The following ADGRL3 variants were observed in gnomAD, a reference collection of about 807,000 sequenced individuals.
ADGRL3 encodes the protein adhesion G protein-coupled receptor L3, also known as calcium-independent alpha-latrotoxin receptor 3.
ADGRL3 carries 62 observed loss-of-function variants against 153.5 expected under a neutral mutation model. That is an observed-to-expected ratio of 0.40 (90% CI 0.33 to 0.50). ADGRL3 has a LOEUF of 0.50. Among genes scored for constraint, ADGRL3 ranks in the 20% least tolerant of loss-of-function variants. The pLI is 0.47. For synonymous variants in ADGRL3, 710 were observed against 672.5 expected (o/e 1.06, Z -0.86); for missense variants, 1,641 against 1,859.4 (o/e 0.88, Z 2.16).
intron 3 of ADGRL3, among the ~76,000 whole-genome samples, chr4:61,501,787 A>G (rs1005093950): frequency 1.6e-4 from 24 of 152,330 alleles, no homozygotes; most frequent in African/African-American, 5.8e-4. Context: ...AGTCTGGTCC[A>G]TGTTTTGTAT....
At chr4:61,739,026 G>T (rs2096551745) in intron 8 of ADGRL3, among the ~76,000 whole-genome samples, 1 of 152,058 alleles carries the variant, frequency 6.6e-6, no homozygotes, top group South Asian at 2.1e-4. Flanking sequence ...GATATTAAAT[G>T]TAAAATTGCC....
intron 1 of ADGRL3, among the ~76,000 whole-genome samples, chr4:61,300,203 A>C (rs1025975791): frequency 6.6e-6 from 1 of 152,204 alleles, no homozygotes; most frequent in African/African-American, 2.4e-5. Context: ...CATGGCCTTC[A>C]TTCAATGTTT....
chr4:61,218,719 C>T (rs1387575006), intron 1 of ADGRL3, among the ~76,000 whole-genome samples: 1 of 152,076 alleles, frequency 6.6e-6, no homozygotes, highest in African/African-American at 2.4e-5. Context: ...GCAGCACCTT[C>T]CTGAAGAAGG....
chr4:62,018,883 A>G (rs1035471456), intron 21 of ADGRL3, among the ~76,000 whole-genome samples: 5 of 152,274 alleles, frequency 3.3e-5, no homozygotes, highest in African/African-American at 4.8e-5. Flanking sequence ...GATATGCTCT[A>G]TGAAAGGGAA....
At chr4:61,297,807 G>A (rs769585763) in intron 1 of ADGRL3, among the ~76,000 whole-genome samples, 43 of 151,312 alleles carry the variant, frequency 2.8e-4, no homozygotes, top group South Asian at 4.2e-4. Flanking sequence ...TGTTACCACC[G>A]CCACCGTCAC....
intron 2 of ADGRL3, among the ~76,000 whole-genome samples, chr4:61,436,899 G>GAA (rs67935108): frequency 6.6e-5 from 9 of 137,070 alleles, no homozygotes; most frequent in Admixed American, 3.7e-4. Context: ...TCAAAAAAAA[G>GAA]GGAGTCTAAG....
chr4:61,643,109 G>C (rs1246913142), intron 5 of ADGRL3, among the ~76,000 whole-genome samples: 1 of 152,148 alleles, frequency 6.6e-6, no homozygotes, highest in African/African-American at 2.4e-5. Flanking sequence ...TGGTGTATAA[G>C]AATGCTTGTG....
chr4:61,406,693 A>C (rs1372317488), intron 2 of ADGRL3, among the ~76,000 whole-genome samples: 2 of 152,016 alleles, frequency 1.3e-5, no homozygotes, highest in Non-Finnish European at 2.9e-5. Flanking sequence ...GAAATATTCC[A>C]CATTCGTGTT....
chr4:61,644,945 C>G (rs1239582400), intron 5 of ADGRL3, among the ~76,000 whole-genome samples: 2 of 151,944 alleles, frequency 1.3e-5, no homozygotes, highest in African/African-American at 4.8e-5. Context: ...TCACTCAGGA[C>G]TTGCTTTATG....
intron 15 of ADGRL3, among the ~76,000 whole-genome samples, chr4:61,936,868 T>C (rs2150166668): frequency 6.6e-6 from 1 of 151,712 alleles, no homozygotes; most frequent in Admixed American, 6.6e-5. Context: ...TGCCAAGTGA[T>C]AGGAAGATGA....
intron 8 of ADGRL3, among the ~76,000 whole-genome samples, chr4:61,757,990 T>C (rs1218127016): frequency 6.6e-6 from 1 of 152,324 alleles, no homozygotes; most frequent in African/African-American, 2.4e-5. Context: ...GAGAGACAGT[T>C]AGTTATAATT....
At chr4:61,827,822 A>G (rs925125174) in intron 9 of ADGRL3, among the ~76,000 whole-genome samples, 2 of 152,166 alleles carry the variant, frequency 1.3e-5, no homozygotes, top group African/African-American at 4.8e-5. Context: ...CAGACTAAAG[A>G]TCACCCATTA....
At chr4:61,512,037 C>T (rs1220633156) in intron 3 of ADGRL3, among the ~76,000 whole-genome samples, 2 of 152,046 alleles carry the variant, frequency 1.3e-5, no homozygotes, top group African/African-American at 4.8e-5. Context: ...CATAAGAAAG[C>T]AGGATTGAAA....
At chr4:61,368,965 C>G (rs949360308) in intron 1 of ADGRL3, among the ~76,000 whole-genome samples, 16 of 152,038 alleles carry the variant, frequency 1.1e-4, no homozygotes, top group African/African-American at 4.8e-5. Flanking sequence ...AGTTGGATTC[C>G]TAGGTATTTT....
intron 5 of ADGRL3, among the ~76,000 whole-genome samples, chr4:61,650,444 T>C (rs2094205094): frequency 6.6e-6 from 1 of 152,176 alleles, no homozygotes; most frequent in African/African-American, 2.4e-5. Context: ...TTATTAACCC[T>C]GTGCTCTTAT....
intron 1 of ADGRL3, among the ~76,000 whole-genome samples, chr4:61,249,360 G>A (rs1758319232): frequency 6.6e-6 from 1 of 152,114 alleles, no homozygotes; most frequent in African/African-American, 2.4e-5. Context: ...GGAAAAAGAA[G>A]TTTAGCAGTA....
intron 11 of ADGRL3, among the ~76,000 whole-genome samples, chr4:61,901,355 A>G: frequency 6.6e-6 from 1 of 152,210 alleles, no homozygotes; most frequent in South Asian, 2.1e-4. Flanking sequence ...TTGACATTTT[A>G]CAGTATTTTA....
chr4:61,226,940 A>C (rs1189150451), intron 1 of ADGRL3, among the ~76,000 whole-genome samples: 2 of 152,232 alleles, frequency 1.3e-5, no homozygotes, highest in East Asian at 3.9e-4. Flanking sequence ...AATGGGAAAG[A>C]TATCCTGCTG....
At chr4:61,973,507 A>T (rs1212135691) in intron 17 of ADGRL3, among the ~76,000 whole-genome samples, 1 of 152,134 alleles carries the variant, frequency 6.6e-6, no homozygotes, top group African/African-American at 2.4e-5. Flanking sequence ...ATGAATAGAA[A>T]TTTCATAGAA....
Sources: allele counts gnomAD v4.1 joint callset (sites outside exome capture counted in the v4.1 genomes callset), GRCh38; gene constraint gnomAD v4.1.1; transcripts MANE v1.5; gene names NCBI Gene and HGNC (gene_info 2026-07-23, HGNC 2026-07-21).